The following STARD8 variants were observed in gnomAD, a reference collection of about 807,000 sequenced individuals.
STARD8 encodes stAR-related lipid transfer protein 8.
Under a neutral mutation model 69.4 loss-of-function variants are expected in STARD8, and 25 were observed. That is an observed-to-expected ratio of 0.36 (90% CI 0.26 to 0.50). STARD8 has a LOEUF of 0.50. Ranked by LOEUF, STARD8 falls within the 20% of genes least tolerant of loss-of-function variation. The pLI, the probability that STARD8 is intolerant of heterozygous loss-of-function variation, is 0.96. For missense variants in STARD8, 921 were observed against 932.5 expected (o/e 0.99, Z 0.16); for synonymous variants, 389 against 374.6 (o/e 1.04, Z -0.45).
chrX:68,697,286 T>C (rs2079927986), intron 2 of STARD8, among the ~76,000 whole-genome samples: 1 of 110,753 alleles, frequency 9.0e-6, no homozygotes, highest in Admixed American at 9.4e-5. Context: ...CAGGGAGTGA[T>C]TGCTTTTGAC....
chrX:68,660,867 C>T (rs1000242080), intron 1 of STARD8, among the ~76,000 whole-genome samples: 1 of 112,298 alleles, frequency 8.9e-6, no homozygotes, highest in South Asian at 3.7e-4. Flanking sequence ...TCTGTGCTGG[C>T]AAAACTCAGG....
At chrX:68,665,437 C>A in intron 1 of STARD8, 62 bp from the exon 2 acceptor site, 2 of 1,138,714 alleles carry the variant, frequency 1.8e-6, no homozygotes, top group Non-Finnish European at 2.4e-6. Context: ...ACTTTAAGAT[C>A]GCTTTCAGTT....
intron 2 of STARD8, among the ~76,000 whole-genome samples, chrX:68,694,571 T>C (rs929230790): frequency 9.0e-6 from 1 of 111,535 alleles, no homozygotes; most frequent in Non-Finnish European, 1.9e-5. Context: ...AGCCAGTCCA[T>C]GTGACCTTAG....
chrX:68,710,472 G>A (rs2080041354), intron 2 of STARD8, among the ~76,000 whole-genome samples: 1 of 112,183 alleles, frequency 8.9e-6, no homozygotes, highest in African/African-American at 3.2e-5. Flanking sequence ...TTTCTAACAA[G>A]CTCCCAGGTG....
chrX:68,649,939 G>A (rs756275025), intron 1 of STARD8, among the ~76,000 whole-genome samples: 16 of 111,156 alleles, frequency 1.4e-4, no homozygotes, highest in Non-Finnish European at 2.6e-4. Context: ...TAGAGAGCTG[G>A]ATGGAATGAT....
At chrX:68,706,514 A>G (rs1249125247) in intron 2 of STARD8, among the ~76,000 whole-genome samples, 3 of 111,865 alleles carry the variant, frequency 2.7e-5, no homozygotes, top group African/African-American at 9.8e-5. Context: ...ACAGGTCCTC[A>G]TGAAGGTCCC....
chrX:68,668,236 CTCTT>C (rs778005383), intron 2 of STARD8, among the ~76,000 whole-genome samples: 3,709 of 73,127 alleles, frequency 0.051, 105 homozygotes, highest in East Asian at 0.067. Flanking sequence ...CTTTTTTCTC[CTCTT>C]TCTTTCTTTC....
At chrX:68,698,296 G>T (rs961775711) in intron 2 of STARD8, among the ~76,000 whole-genome samples, 1 of 111,329 alleles carries the variant, frequency 9.0e-6, no homozygotes, top group South Asian at 3.8e-4. Flanking sequence ...AAAGGGGTAG[G>T]GGGGTGTTTC....
chrX:68,718,474 C>T lies in STARD8; in HGVS notation c.1560C>T (p.Ser520=), dbSNP rs764023557. ...ASSLSVEEGH[S]ISDTVASSSE... ...GCCTGTCTGTGGAAGAAGGACACTC[C>T]ATTTCTGACACTGTGGCCTCCTCCA... is the stretch of plus-strand genomic sequence containing the variant. The change falls in exon 6 of 15, where the codon TCC becomes TCT. Residue 520 remains serine, a synonymous_variant. Coordinates refer to ENST00000374599, the MANE Select transcript of STARD8 (RefSeq NM_001142503.3). The T allele has an allele frequency of 2.5e-6, 3 of 1,212,072 alleles. No individual in the cohort carries two copies. The highest frequency in any genetic ancestry group is 3.4e-6 in the Non-Finnish European group (3 of 895,522).
intron 1 of STARD8, among the ~76,000 whole-genome samples, chrX:68,661,878 T>TTTCC (rs748806413): frequency 0.095 from 6,113 of 64,025 alleles, 437 homozygotes; most frequent in African/African-American, 0.17. Context: ...CTTTCTTTCT[T>TTTCC]TTCCTTCCTT....
intron 1 of STARD8, chrX:68,656,287 G>A (rs1250955235): frequency 8.9e-6 from 1 of 112,045 alleles, no homozygotes; most frequent in African/African-American, 3.3e-5. Context: ...TCAGAGAAAT[G>A]CAAATCAAAA....
rs1262051214 is a variant in STARD8, at chrX:68,668,270, CTTTCTCTT to C, written c.79+2740_79+2747del. On this transcript the variant is annotated intron_variant, in intron 2 of 14. Coordinates refer to ENST00000374599, the MANE Select transcript of STARD8 (RefSeq NM_001142503.3). ...TCTTTCTTTCTTTCTTTCTTTCTTT[CTTTCTCTT>C]TCTTTCTTTCTTTCTTTCTTTCTTC... 6.2e-3 allele frequency among the ~76,000 whole-genome samples: 475 copies of C among 77,014 alleles called. 2 individuals carry two copies. Among genetic ancestry groups the C allele is most frequent in the Middle Eastern group, 0.022 (3 of 139 alleles). The allele number at this position is 77,014 out of a possible 115,157, so 66.9% of individuals were successfully genotyped here. A position where few individuals can be genotyped will look rare whatever the true frequency, so the allele number is the denominator to read the frequency against.
At chrX:68,702,834 T>A (rs1282113085) in intron 2 of STARD8, among the ~76,000 whole-genome samples, 1 of 109,932 alleles carries the variant, frequency 9.1e-6, no homozygotes. Flanking sequence ...GTCTGGGATA[T>A]AATAATGGCT....
In STARD8 at chrX:68,721,695, C is replaced by T. The variant is rs767763715; in HGVS notation, c.2408C>T (p.Ala803Val). The T allele has an allele frequency of 1.6e-5, 19 of 1,210,768 alleles. No individual in the cohort carries two copies. Among genetic ancestry groups the T allele is most frequent in the African/African-American group, 3.5e-5 (2 of 57,436 alleles). Residue 803 changes from alanine to valine, a missense_variant, in exon 10 of 15, where the codon GCG becomes GTG. Coordinates refer to ENST00000374599, the MANE Select transcript of STARD8 (RefSeq NM_001142503.3). ...GCAGGCAACCTGGCAGTGTGCCTGG[C>T]GCCCTCCATCTTCCACCTCAATGTC... ...MTAGNLAVCL[A>V]PSIFHLNVSK...
At chrX:68,714,508 C>G (rs1203561878) in intron 3 of STARD8, among the ~76,000 whole-genome samples, 1 of 112,194 alleles carries the variant, frequency 8.9e-6, no homozygotes, top group African/African-American at 3.2e-5. Context: ...GCAGCCTCCA[C>G]CCCTACCAGC....
intron 1 of STARD8, among the ~76,000 whole-genome samples, chrX:68,652,774 C>CACA (rs2079556995): frequency 3.2e-5 from 2 of 62,040 alleles, no homozygotes; most frequent in Admixed American, 1.8e-4. Context: ...ACACACACAC[C>CACA]CCACACACCA....
At chrX:68,687,778 G>A (rs1267765084) in intron 2 of STARD8, among the ~76,000 whole-genome samples, 3 of 111,884 alleles carry the variant, frequency 2.7e-5, no homozygotes, top group Non-Finnish European at 5.6e-5. Context: ...TTTCCTTGGG[G>A]GCCTGTCCAT....
chrX:68,664,585 G>A (rs963988093), intron 1 of STARD8, among the ~76,000 whole-genome samples: 16 of 111,812 alleles, frequency 1.4e-4, no homozygotes, highest in African/African-American at 4.9e-4. Context: ...TGCCATCTGG[G>A]TCTCTGCTCA....
Position 68,647,786 on chromosome X carries a change from C to T in STARD8, c.-97C>T. On this transcript the variant is annotated 5_prime_UTR_variant, in exon 1 of 15. Coordinates refer to ENST00000374599, the MANE Select transcript of STARD8 (RefSeq NM_001142503.3). Reference sequence around the variant, plus strand: ...GGAGCGCAGGGACCGGGCTGGCTCTCGCCGAGCCCCGGGCCTCTTTTAGCC... The same window carrying T: ...GGAGCGCAGGGACCGGGCTGGCTCTTGCCGAGCCCCGGGCCTCTTTTAGCC... 1 of 1,068,775 alleles carries T rather than the reference C, an allele frequency of 9.4e-7. No individual in the cohort carries two copies. Among genetic ancestry groups the T allele is most frequent in the Non-Finnish European group, 1.3e-6 (1 of 792,818 alleles). 88.1% of individuals were successfully genotyped at this position (1,068,775 alleles called of 1,213,427 possible).
Sources: gnomAD v4.1 joint callset for allele counts (sites outside exome capture counted in the v4.1 genomes callset) on GRCh38, gnomAD v4.1.1 for gene constraint, MANE v1.5 for transcripts, NCBI Gene and HGNC (gene_info 2026-07-23, HGNC 2026-07-21) for gene names.